TMEM132D: variants seen among roughly 807,000 people sequenced by gnomAD.
TMEM132D encodes mature OL transmembrane protein.
Under a neutral mutation model 62.3 loss-of-function variants are expected in TMEM132D, and 21 were observed. The observed-to-expected ratio is 0.34, with a 90% CI of 0.24 to 0.49. The LOEUF is 0.49. TMEM132D is among the 20% of genes least tolerant of loss of function. TMEM132D has a pLI of 0.99. For synonymous variants in TMEM132D, 621 were observed against 575.6 expected (o/e 1.08, Z -1.13); for missense variants, 1,346 against 1,402.8 (o/e 0.96, Z 0.65).
At chr12:129,749,576 C>A (rs1869931333) in intron 1 of TMEM132D, among the ~76,000 whole-genome samples, 1 of 151,964 alleles carries the variant, frequency 6.6e-6, no homozygotes, top group African/African-American at 2.4e-5. Context: ...CCTGCCTCAG[C>A]CTCCCAAGTA....
intron 5 of TMEM132D, among the ~76,000 whole-genome samples, chr12:129,183,925 C>G (rs185727384): frequency 6.6e-6 from 1 of 152,324 alleles, no homozygotes; most frequent in African/African-American, 2.4e-5. Flanking sequence ...AGAGACCCAA[C>G]CACTCACTGT....
chr12:129,831,066 T>C (rs1425333410), intron 1 of TMEM132D, among the ~76,000 whole-genome samples: 2 of 152,274 alleles, frequency 1.3e-5, no homozygotes, highest in Non-Finnish European at 1.5e-5. Flanking sequence ...TCCAGGCTTC[T>C]AGTTTCTAGA....
intron 5 of TMEM132D, chr12:129,085,022 G>A: frequency 2.0e-6 from 1 of 491,352 alleles, no homozygotes; most frequent in Non-Finnish European, 3.6e-6. Context: ...CTGCCCTTAG[G>A]TGAGTGGAGC....
At chr12:129,222,682 T>C (rs183789095) in intron 4 of TMEM132D, among the ~76,000 whole-genome samples, 12 of 152,286 alleles carry the variant, frequency 7.9e-5, no homozygotes, top group East Asian at 7.7e-4. Context: ...GTCTTACTTA[T>C]AGGTGATATC....
intron 1 of TMEM132D, among the ~76,000 whole-genome samples, chr12:129,747,847 CACAG>C (rs1264594066): frequency 4.8e-5 from 4 of 83,564 alleles, no homozygotes; most frequent in Admixed American, 4.7e-4. Context: ...TTCAGACACA[CACAG>C]ACACACACAC....
chr12:129,123,284 T>C (rs1876117494), intron 5 of TMEM132D, among the ~76,000 whole-genome samples: 1 of 152,248 alleles, frequency 6.6e-6, no homozygotes, highest in Admixed American at 6.5e-5. Flanking sequence ...ATATATTTTA[T>C]GATGCTTATA....
At chr12:129,697,365 C>A (rs970373867) in intron 2 of TMEM132D, among the ~76,000 whole-genome samples, 2 of 152,148 alleles carry the variant, frequency 1.3e-5, no homozygotes, top group South Asian at 2.1e-4. Context: ...TTATTATTTT[C>A]TAATTATAGG....
chr12:129,330,383 G>T (rs1033464576), intron 4 of TMEM132D, among the ~76,000 whole-genome samples: 3 of 152,186 alleles, frequency 2.0e-5, no homozygotes, highest in Admixed American at 2.0e-4. Context: ...GCTAAGGTTT[G>T]AATGTTCCCT....
intron 1 of TMEM132D, among the ~76,000 whole-genome samples, chr12:129,881,410 CACA>C (rs1386520193): frequency 6.6e-6 from 1 of 151,706 alleles, no homozygotes; most frequent in Non-Finnish European, 1.5e-5. Flanking sequence ...TATTCAAGAG[CACA>C]ACAAGCATTG....
rs548067308 is a variant in TMEM132D at position 129,444,489 on chromosome 12, G to C, written c.1115+86570C>G. 5.3e-5 allele frequency among the ~76,000 whole-genome samples: 8 copies of C among 152,226 alleles called. 1 individual carries two copies. In the South Asian group the frequency reaches 1.5e-3, roughly 28 times the overall value. On this transcript the variant is annotated intron_variant, in intron 3 of 8. Transcript: ENST00000422113. ...ATTATTTTATTTTATTTAAGTTCTG[G>C]GATACATGTGCAGGTTTGTTACGTA... is the stretch of plus-strand genomic sequence containing the variant.
chr12:129,101,842 C>T (rs1217918014), intron 5 of TMEM132D, among the ~76,000 whole-genome samples: 6 of 152,120 alleles, frequency 3.9e-5, no homozygotes, highest in Non-Finnish European at 7.3e-5. Flanking sequence ...GGTCCTTTGA[C>T]GTATTTCGGA....
At chr12:129,479,405 T>C (rs1366820342) in intron 3 of TMEM132D, among the ~76,000 whole-genome samples, 2 of 152,134 alleles carry the variant, frequency 1.3e-5, no homozygotes, top group Non-Finnish European at 2.9e-5. Flanking sequence ...TGTCAGAATC[T>C]GGAATTTCTT....
chr12:129,285,102 T>C (rs1376385378), intron 4 of TMEM132D, among the ~76,000 whole-genome samples: 1 of 152,154 alleles, frequency 6.6e-6, no homozygotes, highest in Admixed American at 6.5e-5. Flanking sequence ...AATGGAGGTT[T>C]TTTCCTATGC....
At chr12:129,845,316 A>C (rs1318968647) in intron 1 of TMEM132D, among the ~76,000 whole-genome samples, 1 of 152,224 alleles carries the variant, frequency 6.6e-6, no homozygotes, top group Non-Finnish European at 1.5e-5. Context: ...ATAGCCTAAG[A>C]GGAACTTCTA....
chr12:129,749,098 C>G (rs1373538154), intron 1 of TMEM132D, among the ~76,000 whole-genome samples: 2 of 152,178 alleles, frequency 1.3e-5, no homozygotes, highest in East Asian at 3.9e-4. Flanking sequence ...TCTTAAGTTG[C>G]TATGATTGGT....
intron 1 of TMEM132D, among the ~76,000 whole-genome samples, chr12:129,745,408 T>C (rs1003381152): frequency 2.2e-4 from 33 of 152,184 alleles, no homozygotes. Context: ...ATCAGAGATC[T>C]GGGGGGTTGA....
chr12:129,862,885 A>G (rs879488331), intron 1 of TMEM132D, among the ~76,000 whole-genome samples: 26 of 152,004 alleles, frequency 1.7e-4, no homozygotes, highest in Non-Finnish European at 3.5e-4. Context: ...AAAAAAAGCT[A>G]TAGCAGCTCA....
intron 3 of TMEM132D, among the ~76,000 whole-genome samples, chr12:129,435,862 T>A (rs1166016951): frequency 1.3e-5 from 2 of 152,194 alleles, no homozygotes; most frequent in Non-Finnish European, 2.9e-5. Context: ...CTTCATGTAT[T>A]TTCTACTAGG....
intron 4 of TMEM132D, among the ~76,000 whole-genome samples, chr12:129,228,306 G>A (rs1053018257): frequency 1.3e-5 from 2 of 152,186 alleles, no homozygotes; most frequent in African/African-American, 4.8e-5. Context: ...TCAAGACCTA[G>A]AGGTTTTCCA....
Sources: allele counts gnomAD v4.1 joint callset (sites outside exome capture counted in the v4.1 genomes callset), GRCh38; gene constraint gnomAD v4.1.1; transcripts MANE v1.5; gene names NCBI Gene and HGNC (gene_info 2026-07-23, HGNC 2026-07-21).